Variants in PLSCR4 observed in about 807,000 individuals in gnomAD.
PLSCR4 encodes phospholipid scramblase 4, also known as Ca(2+)-dependent phospholipid scramblase 4.
A neutral mutation model predicts 36.3 loss-of-function variants in PLSCR4; 25 were observed. The ratio of observed to expected loss-of-function variants is 0.69; its 90% CI spans 0.50 to 0.96. The LOEUF (loss-of-function observed/expected upper bound fraction) is 0.96, where lower values mean the gene tolerates loss of function less well. PLSCR4 is among the 40% of genes least tolerant of loss of function. PLSCR4 has a pLI of 0.00. For synonymous variants in PLSCR4, 122 were observed against 132.9 expected (o/e 0.92, Z 0.56); for missense variants, 408 against 414.7 (o/e 0.98, Z 0.14).
chr3:146,203,497 A>G (rs2108230104), intron 4 of PLSCR4, among the ~76,000 whole-genome samples: 1 of 152,132 alleles, frequency 6.6e-6, no homozygotes. Context: ...TCTATATTCA[A>G]AATCTGTTGT....
intron 1 of PLSCR4, among the ~76,000 whole-genome samples, chr3:146,247,550 AT>A (rs2036386042): frequency 6.6e-6 from 1 of 152,180 alleles, no homozygotes; most frequent in East Asian, 1.9e-4. Flanking sequence ...TGTCTTCTTT[AT>A]ATGAAAGGTA....
At position 146,194,178 on chromosome 3, in the gene PLSCR4, T is replaced by G; in HGVS notation, c.*233A>C. On this transcript the variant is annotated 3_prime_UTR_variant, in exon 9 of 9. Transcript: ENST00000354952. ...ACTTTGTATATGTTTACTGGGTTAATGAGTCACAGCTTTTCAGGATGAACT... is the reference window on the plus strand; with the variant it reads ...ACTTTGTATATGTTTACTGGGTTAAGGAGTCACAGCTTTTCAGGATGAACT... 2.1e-6 allele frequency: 1 copy of G among 478,982 alleles called. No homozygotes were observed. The highest frequency in any genetic ancestry group is 3.7e-6 in the Non-Finnish European group (1 of 270,994). 29.7% of individuals were successfully genotyped at this position (478,982 alleles called of 1,614,324 possible).
chr3:146,243,052 G>A (rs75453343), intron 1 of PLSCR4, among the ~76,000 whole-genome samples: 2,561 of 152,218 alleles, frequency 0.017, 78 homozygotes, highest in African/African-American at 0.058. Context: ...AAATTCTGTG[G>A]TGGGGGTTTC....
intron 1 of PLSCR4, among the ~76,000 whole-genome samples, chr3:146,247,274 C>T (rs764416627): frequency 6.6e-6 from 1 of 152,030 alleles, no homozygotes; most frequent in Non-Finnish European, 1.5e-5. Context: ...AAGTTTTGTA[C>T]ATTTTTAAAG....
At chr3:146,224,573 C>T (rs944337558) in intron 1 of PLSCR4, among the ~76,000 whole-genome samples, 2 of 151,958 alleles carry the variant, frequency 1.3e-5, no homozygotes, top group Non-Finnish European at 2.9e-5. Context: ...CAGACCTTCG[C>T]GGTGAGTGTT....
chr3:146,227,351 A>G (rs2035520948), intron 1 of PLSCR4, among the ~76,000 whole-genome samples: 1 of 152,160 alleles, frequency 6.6e-6, no homozygotes, highest in African/African-American at 2.4e-5. Context: ...GCTAGACAGG[A>G]CAAGGTTGCT....
At chr3:146,203,870 T>C (rs971947591) in intron 4 of PLSCR4, among the ~76,000 whole-genome samples, 6 of 152,064 alleles carry the variant, frequency 3.9e-5, no homozygotes, top group African/African-American at 1.4e-4. Flanking sequence ...TGGAGTAATA[T>C]CACTTTCAAT....
chr3:146,225,621 G>A (rs985894709), intron 1 of PLSCR4, among the ~76,000 whole-genome samples: 2 of 152,186 alleles, frequency 1.3e-5, no homozygotes, highest in South Asian at 2.1e-4. Flanking sequence ...GCACAGCACC[G>A]GTGGGCTGGC....
intron 8 of PLSCR4, 24 bp downstream of exon 8, chr3:146,195,100 A>C (rs1559894733): frequency 1.9e-6 from 3 of 1,609,250 alleles, no homozygotes; most frequent in South Asian, 1.1e-5. Context: ...CTCTCTCAGG[A>C]TAACTCAAAA....
In PLSCR4 at chr3:146,196,716, G is replaced by T; in HGVS notation, c.702C>A (p.Ser234Arg). The T allele has an allele frequency of 2.5e-6, 4 of 1,613,774 alleles. No individual in the cohort carries two copies. Among genetic ancestry groups the T allele is most frequent in the Non-Finnish European group, 3.4e-6 (4 of 1,179,778 alleles). ...EHWNLCRAVY[S>R]IQNEKKENVM... ...CATTTTCTTTCTTCTCATTTTGGATGCTGTACACCGCCCTGCACAGGTTCC... is the reference window on the plus strand; with the variant it reads ...CATTTTCTTTCTTCTCATTTTGGATTCTGTACACCGCCCTGCACAGGTTCC... The change falls in exon 7 of 9, where the codon AGC (serine) becomes AGA (arginine). Residue 234 changes from serine (S) to arginine (R), a missense_variant. By Grantham distance (110) the Ser-to-Arg change is moderately radical. Coordinates refer to ENST00000354952, the MANE Select transcript of PLSCR4 (RefSeq NM_020353.3).
chr3:146,212,646 C>CAT (rs2034685421), intron 3 of PLSCR4, among the ~76,000 whole-genome samples: 1 of 151,922 alleles, frequency 6.6e-6, no homozygotes, highest in African/African-American at 2.4e-5. Context: ...TATATAGGCT[C>CAT]ATGTCTTCTG....
At chr3:146,220,778 A>G in intron 3 of PLSCR4, 37 bp downstream of exon 3, 1 of 1,280,204 alleles carries the variant, frequency 7.8e-7, no homozygotes, top group East Asian at 2.3e-5. Flanking sequence ...TATGGTTTTT[A>G]GCAAAGGAGA....
rs1356371716 is a variant in PLSCR4 at position 146,193,574 on chromosome 3, A to G, written c.*837T>C. ...TATATATAAGGCATCTGTGACCAAGAGACGTTATGAATTAAATGTACAAAT... is the reference window on the plus strand; with the variant it reads ...TATATATAAGGCATCTGTGACCAAGGGACGTTATGAATTAAATGTACAAAT... On this transcript the variant is annotated 3_prime_UTR_variant, in exon 9 of 9. Transcript: ENST00000354952. The G allele has an allele frequency of 1.3e-5, 2 of 152,234 alleles. No homozygotes were observed. Among genetic ancestry groups the G allele is most frequent in the African/African-American group, 2.4e-5 (1 of 41,452 alleles). 9.4% of individuals were successfully genotyped at this position (152,234 alleles called of 1,614,324 possible). A position where few individuals can be genotyped will look rare whatever the true frequency, so the allele number is the denominator to read the frequency against.
intron 4 of PLSCR4, among the ~76,000 whole-genome samples, chr3:146,204,572 C>A (rs549579752): frequency 5.5e-4 from 84 of 152,026 alleles, no homozygotes; most frequent in Non-Finnish European, 9.4e-4. Flanking sequence ...TTGCCTGGGT[C>A]CAAACCTGTG....
chr3:146,207,433 T>C (rs567611059), intron 3 of PLSCR4, among the ~76,000 whole-genome samples: 17 of 151,538 alleles, frequency 1.1e-4, no homozygotes, highest in African/African-American at 3.9e-4. Flanking sequence ...CTTATAGTTC[T>C]GGAGGCTGGG....
At chr3:146,206,967 C>G (rs986815653) in intron 3 of PLSCR4, among the ~76,000 whole-genome samples, 1 of 152,022 alleles carries the variant, frequency 6.6e-6, no homozygotes, top group Non-Finnish European at 1.5e-5. Context: ...ATTTAATCCT[C>G]TTAAAGCTTA....
intron 6 of PLSCR4, among the ~76,000 whole-genome samples, chr3:146,199,164 A>G (rs1385640841): frequency 6.6e-6 from 1 of 152,160 alleles, no homozygotes; most frequent in Non-Finnish European, 1.5e-5. Flanking sequence ...TAAGGCTCAA[A>G]CAGGTTAATT....
chr3:146,220,823 A>T lies in PLSCR4; in HGVS notation c.110T>A (p.Phe37Tyr). The change falls in exon 3 of 9, where the codon TTT becomes TAT. Residue 37 changes from phenylalanine (F) to tyrosine (Y), a missense_variant. By Grantham distance (22) the Phe-to-Tyr change is conservative (BLOSUM62 3). Coordinates refer to ENST00000354952, the MANE Select transcript of PLSCR4 (RefSeq NM_020353.3). ...PDAPPEYNSH[F>Y]LPGPPGTAVP... ...ATGAATATTTAACCCACCTGGTAAAAAATGAGAATTGTATTCAGGAGGAGC... is the reference window on the plus strand; with the variant it reads ...ATGAATATTTAACCCACCTGGTAAATAATGAGAATTGTATTCAGGAGGAGC... The T allele has an allele frequency of 6.3e-7, 1 of 1,596,470 alleles. No homozygotes were observed. Among genetic ancestry groups the T allele is most frequent in the Non-Finnish European group, 8.6e-7 (1 of 1,165,014 alleles).
chr3:146,228,419 C>A (rs2035565031), intron 1 of PLSCR4, among the ~76,000 whole-genome samples: 1 of 151,726 alleles, frequency 6.6e-6, no homozygotes, highest in South Asian at 2.1e-4. Context: ...AATGTTCTAG[C>A]AAATGGGATT....
Sources: gnomAD v4.1 joint callset for allele counts (sites outside exome capture counted in the v4.1 genomes callset) on GRCh38, gnomAD v4.1.1 for gene constraint, MANE v1.5 for transcripts, NCBI Gene and HGNC (gene_info 2026-07-23, HGNC 2026-07-21) for gene names.